The following RYR3 variants were observed in gnomAD, a reference collection of about 807,000 sequenced individuals.
RYR3 encodes the protein ryanodine receptor 3.
Under a neutral mutation model 584.3 loss-of-function variants are expected in RYR3, and 207 were observed. That is an observed-to-expected ratio of 0.35 (90% CI 0.32 to 0.40). The LOEUF (loss-of-function observed/expected upper bound fraction) is 0.40. RYR3 is among the 10% of genes least tolerant of loss of function. The pLI, the probability that RYR3 is intolerant of heterozygous loss-of-function variation, is 1.00. For missense variants in RYR3, 5,616 were observed against 6,089.2 expected, an observed-to-expected ratio of 0.92 and a Z score of 2.59; for synonymous variants, 2,416 against 2,248.5, an observed-to-expected ratio of 1.07 and a Z score of -2.11.
At chr15:33,700,910 C>A in intron 41 of RYR3, 67 bp from the exon 42 acceptor site, 2 of 1,121,538 alleles carry the variant, frequency 1.8e-6, no homozygotes, top group Non-Finnish European at 2.6e-6. Context: ...ACGTGCACTG[C>A]AGTCTCAGCT....
intron 7 of RYR3, among the ~76,000 whole-genome samples, 181 bp downstream of exon 7, chr15:33,541,071 C>A (rs2055776262): frequency 6.6e-6 from 1 of 152,094 alleles, no homozygotes; most frequent in African/African-American, 2.4e-5. Context: ...TTCTAACTTC[C>A]AGTTACATGA....
rs373979647 is a variant in RYR3, at chr15:33,844,872, A to C, written c.13307A>C (p.Glu4436Ala). Residue 4436 changes from glutamate to alanine, a missense_variant, in exon 93 of 104, where the codon GAA becomes GCA. Physicochemically the swap from Glu to Ala is moderately radical, Grantham distance 107 (BLOSUM62 -1). Coordinates refer to ENST00000634891, the MANE Select transcript of RYR3 (RefSeq NM_001036.6). ...TGTATTTTGAGCCAGGTCACTGAAG[A>C]ACCTTTAGAAGAAGAGACAGAGGAT... Reference protein sequence around the residue: ...FILLFYKVTEEPLEEETEDVA... With the variant: ...FILLFYKVTEAPLEEETEDVA... The C allele has an allele frequency of 1.2e-6, 2 of 1,610,702 alleles. No homozygotes were observed. The highest frequency in any genetic ancestry group is 1.7e-6 in the Non-Finnish European group (2 of 1,177,856).
intron 18 of RYR3, among the ~76,000 whole-genome samples, chr15:33,612,070 ACTC>A (rs1247596699): frequency 6.6e-6 from 1 of 152,022 alleles, no homozygotes; most frequent in Non-Finnish European, 1.5e-5. Flanking sequence ...TTAAAACCTA[ACTC>A]CTCTTTTGTT....
At position 33,731,503 on chromosome 15, in the gene RYR3, T is replaced by G. The variant is rs1344365066; in HGVS notation, c.7233T>G (p.Leu2411=). 1 of 1,613,220 alleles carries G rather than the reference T, an allele frequency of 6.2e-7. No individual in the cohort carries two copies. The change falls in exon 48 of 104, where the codon CTT becomes CTG. Residue 2411 remains leucine (L), a synonymous_variant. Transcript: ENST00000634891. ...CCCTAAGCACCACAGAGGCTGCGCT[T>G]GCACTAAATAGGTATATATGTTCTG... ...TVSLSTTEAA[L]ALNRYICSAV...
intron 35 of RYR3, 151 bp from the exon 36 acceptor site, chr15:33,663,386 G>A (rs1200269546): frequency 1.2e-5 from 8 of 656,238 alleles, no homozygotes; most frequent in South Asian, 3.9e-5. Flanking sequence ...TATTGCCTTC[G>A]ACTTAATGGT....
intron 19 of RYR3, among the ~76,000 whole-genome samples, chr15:33,619,609 G>C (rs1443216404): frequency 6.6e-6 from 1 of 152,052 alleles, no homozygotes; most frequent in Non-Finnish European, 1.5e-5. Flanking sequence ...ACTACTTTTA[G>C]GAACAAGAAC....
intron 43 of RYR3, among the ~76,000 whole-genome samples, chr15:33,717,206 A>T (rs578065883): frequency 6.6e-6 from 1 of 152,208 alleles, no homozygotes; most frequent in South Asian, 2.1e-4. Flanking sequence ...TGATCCCCAG[A>T]TGTACTTTGC....
intron 1 of RYR3, among the ~76,000 whole-genome samples, chr15:33,451,948 G>A (rs2047164756): frequency 6.6e-6 from 1 of 152,158 alleles, no homozygotes; most frequent in East Asian, 1.9e-4. Flanking sequence ...TTTCATTCTG[G>A]TGACTTTTTA....
intron 5 of RYR3, among the ~76,000 whole-genome samples, chr15:33,535,807 A>G (rs79773149): frequency 0.029 from 4,373 of 152,290 alleles, 72 homozygotes; most frequent in Non-Finnish European, 0.04. Flanking sequence ...AAATTCACAC[A>G]TCAGACTAGG....
intron 86 of RYR3, among the ~76,000 whole-genome samples, chr15:33,832,689 G>T (rs552799807): frequency 1.3e-4 from 20 of 150,698 alleles, no homozygotes; most frequent in African/African-American, 4.6e-4. Flanking sequence ...ATACGTATGA[G>T]TTCAGAGGAA....
intron 36 of RYR3, among the ~76,000 whole-genome samples, chr15:33,667,302 C>T (rs989714021): frequency 2.6e-5 from 4 of 152,220 alleles, no homozygotes; most frequent in Non-Finnish European, 4.4e-5. Context: ...TGTTCAATGA[C>T]CTGGGGTCGT....
chr15:33,859,587 CACATGTACGTGGGAGTGAGA>C lies in RYR3; in HGVS notation c.14156_14175del (p.His4719ArgfsTer7). 6.2e-7 allele frequency: 1 copy of C among 1,613,950 alleles called. No homozygotes were observed. The highest frequency in any genetic ancestry group is 8.5e-7 in the Non-Finnish European group (1 of 1,179,878). ...TTTTCTTCTCTAGTGTTACCTTTTC[CACATGTACGTGGGAGTGAGA>C]GCAGGAGGTGGCATTGGTGATGAAA... On this transcript the variant is annotated frameshift_variant, in exon 100 of 104. Transcript: ENST00000634891. LOFTEE classifies it high-confidence loss of function.
At chr15:33,611,864 G>T (rs762810178) in intron 18 of RYR3, among the ~76,000 whole-genome samples, 10 of 151,978 alleles carry the variant, frequency 6.6e-5, no homozygotes, top group Admixed American at 5.2e-4. Flanking sequence ...TCACCATGTT[G>T]GCCAGGCTGG....
Position 33,838,827 on chromosome 15 carries a change from G to C in RYR3, c.12847G>C (p.Gly4283Arg). ...TACAGATATCATGTCAGACCTCTTTGGACTCCACCCAAAGAAAGAGGGCAG... is the reference window on the plus strand; with the variant it reads ...TACAGATATCATGTCAGACCTCTTTCGACTCCACCCAAAGAAAGAGGGCAG... ...GDTDIMSDLF[G>R]LHPKKEGSLK... Residue 4283 changes from glycine to arginine, a missense_variant, in exon 89 of 104, where the codon GGA (glycine) becomes CGA (arginine). Gly to Arg is a moderately radical substitution (Grantham distance 125). Around this residue, in one of 9 missense-constraint regions of RYR3, gnomAD observed 918 missense variants for 887.4 expected, o/e 1.03. Transcript: ENST00000634891. The C allele has an allele frequency of 6.2e-7, 1 of 1,613,880 alleles. No individual in the cohort carries two copies. The highest frequency in any genetic ancestry group is 8.5e-7 in the Non-Finnish European group (1 of 1,179,838).
At chr15:33,848,270 C>T (rs2078850146) in intron 93 of RYR3, 21 bp from the exon 94 acceptor site, 2 of 1,612,812 alleles carry the variant, frequency 1.2e-6, no homozygotes, top group South Asian at 1.1e-5. Context: ...CTCTGAGTAA[C>T]CATCCTCCTC....
At chr15:33,477,259 CCT>C (rs2049464296) in intron 2 of RYR3, among the ~76,000 whole-genome samples, 1 of 151,728 alleles carries the variant, frequency 6.6e-6, no homozygotes, top group Non-Finnish European at 1.5e-5. Context: ...AGAAGAAAGA[CCT>C]CAGAGAAAAA....
intron 38 of RYR3, among the ~76,000 whole-genome samples, chr15:33,685,810 A>T (rs1368685922): frequency 1.3e-5 from 2 of 152,240 alleles, no homozygotes; most frequent in Non-Finnish European, 2.9e-5. Context: ...GCACAACTAC[A>T]TGGAAACCGA....
chr15:33,772,902 A>G (rs2152889920), intron 63 of RYR3, among the ~76,000 whole-genome samples: 1 of 152,332 alleles, frequency 6.6e-6, no homozygotes, highest in Non-Finnish European at 1.5e-5. Flanking sequence ...TAGTTCTGAA[A>G]GTAGTCCCGG....
chr15:33,596,500 G>GA (rs1567624371), intron 16 of RYR3, among the ~76,000 whole-genome samples: 1 of 147,354 alleles, frequency 6.8e-6, no homozygotes, highest in Non-Finnish European at 1.5e-5. Flanking sequence ...TTTTTTGGGG[G>GA]GGGGGGATTT....
Sources: allele counts gnomAD v4.1 joint callset (sites outside exome capture counted in the v4.1 genomes callset), GRCh38; gene constraint gnomAD v4.1.1; regional missense constraint gnomAD v4.1.1; transcripts MANE v1.5; gene names NCBI Gene and HGNC (gene_info 2026-07-23, HGNC 2026-07-21).